The following ELMO1 variants were observed in gnomAD, a reference collection of about 807,000 sequenced individuals.
ELMO1 encodes engulfment and cell motility protein 1.
ELMO1 carries 26 observed loss-of-function variants against 98.9 expected under a neutral mutation model. That is an observed-to-expected ratio of 0.26 (90% CI 0.19 to 0.36). The LOEUF is 0.36. ELMO1 is among the 10% of genes least tolerant of loss of function. The pLI, the probability that ELMO1 is intolerant of heterozygous loss-of-function variation, is 1.00. For missense variants in ELMO1, 627 were observed against 935.2 expected (o/e 0.67, Z 4.30); for synonymous variants, 346 against 346.0 (o/e 1.00, Z 0.00).
chr7:37,051,367 G>T (rs1003087204), intron 15 of ELMO1, among the ~76,000 whole-genome samples: 2 of 152,138 alleles, frequency 1.3e-5, no homozygotes, highest in African/African-American at 4.8e-5. Context: ...TCCTAATTTG[G>T]ATAATTTTTG....
chr7:37,326,781 T>C (rs533163113), intron 2 of ELMO1, among the ~76,000 whole-genome samples: 14 of 152,270 alleles, frequency 9.2e-5, no homozygotes, highest in South Asian at 2.1e-4. Context: ...GTTGAATGTA[T>C]TAACGGGTTA....
intron 15 of ELMO1, among the ~76,000 whole-genome samples, chr7:37,091,158 A>G (rs1471532541): frequency 6.6e-6 from 1 of 152,080 alleles, no homozygotes; most frequent in Non-Finnish European, 1.5e-5. Context: ...CCCAGGCTGG[A>G]GTACAATGGG....
chr7:37,159,315 G>A (rs968767196), intron 13 of ELMO1, among the ~76,000 whole-genome samples: 2 of 151,286 alleles, frequency 1.3e-5, no homozygotes. Context: ...AAAAGAATAG[G>A]CTTATGGCTC....
intron 1 of ELMO1, among the ~76,000 whole-genome samples, chr7:37,386,440 C>T (rs1019629905): frequency 6.6e-6 from 1 of 151,952 alleles, no homozygotes; most frequent in African/African-American, 2.4e-5. Context: ...ACTCACTGCC[C>T]TTGTACAGAG....
intron 6 of ELMO1, among the ~76,000 whole-genome samples, chr7:37,256,812 A>G (rs1336440361): frequency 7.2e-6 from 1 of 139,702 alleles, no homozygotes; most frequent in Non-Finnish European, 1.5e-5. Flanking sequence ...AAGGAGAGGA[A>G]GGGGACAGAA....
Position 36,852,931 on chromosome 7 carries a change from T to C in ELMO1, c.*2620A>G, listed in dbSNP as rs1208073194. ...TTCAAATTAAGTAATCAGTTTTATT[T>C]TGAGTAATATGAATAGCAGAATGCA... On this transcript the variant is annotated 3_prime_UTR_variant, in exon 22 of 22. Transcript: ENST00000310758. 6.6e-6 allele frequency among the ~76,000 whole-genome samples: 1 copy of C among 152,178 alleles called. No homozygotes were observed. The highest frequency in any genetic ancestry group is 2.4e-5 in the African/African-American group (1 of 41,450).
chr7:37,343,476 C>T (rs1010667318), intron 1 of ELMO1, among the ~76,000 whole-genome samples: 6 of 148,076 alleles, frequency 4.1e-5, no homozygotes, highest in African/African-American at 1.5e-4. Context: ...TCTTCCCAGG[C>T]TAGCCCATTT....
At chr7:37,377,789 C>A (rs902975113) in intron 1 of ELMO1, among the ~76,000 whole-genome samples, 2 of 152,122 alleles carry the variant, frequency 1.3e-5, no homozygotes, top group African/African-American at 2.4e-5. Flanking sequence ...GAGAAGCCAG[C>A]GCCTTGGCAC....
At chr7:37,077,013 A>G (rs1797618753) in intron 15 of ELMO1, among the ~76,000 whole-genome samples, 1 of 152,210 alleles carries the variant, frequency 6.6e-6, no homozygotes, top group South Asian at 2.1e-4. Context: ...AAAGAATTTA[A>G]CTTTCTAACA....
chr7:36,953,050 C>A (rs550574489), intron 16 of ELMO1, among the ~76,000 whole-genome samples: 2 of 143,138 alleles, frequency 1.4e-5, no homozygotes, highest in East Asian at 4.1e-4. Context: ...CGGCTCAGGG[C>A]AAGCTCCCGG....
intron 8 of ELMO1, 143 bp downstream of exon 8, chr7:37,232,952 A>T (rs1794259697): frequency 1.3e-6 from 1 of 748,754 alleles, no homozygotes; most frequent in Non-Finnish European, 2.1e-6. Context: ...TGACCCCCAC[A>T]TACATAATAT....
At chr7:37,403,646 G>C (rs1004941668) in intron 1 of ELMO1, among the ~76,000 whole-genome samples, 2 of 152,114 alleles carry the variant, frequency 1.3e-5, no homozygotes, top group African/African-American at 4.8e-5. Context: ...CTGGCCTCAA[G>C]CAATCCTCAC....
chr7:36,883,359 C>A (rs1184215175), intron 18 of ELMO1, among the ~76,000 whole-genome samples: 1 of 152,146 alleles, frequency 6.6e-6, no homozygotes. Context: ...AAGTAGGGGG[C>A]AGTTCTTGAG....
chr7:37,188,445 C>T (rs1329972434), intron 13 of ELMO1, among the ~76,000 whole-genome samples: 2 of 33,786 alleles, frequency 5.9e-5, no homozygotes. Context: ...CACACACACA[C>T]ACACACGCAA....
At chr7:37,118,744 A>G (rs978797614) in intron 14 of ELMO1, among the ~76,000 whole-genome samples, 1 of 152,206 alleles carries the variant, frequency 6.6e-6, no homozygotes, top group African/African-American at 2.4e-5. Context: ...GATAACCAGA[A>G]AGCATGAAGC....
chr7:37,071,098 C>A (rs1182984830), intron 15 of ELMO1, among the ~76,000 whole-genome samples: 9 of 152,100 alleles, frequency 5.9e-5, no homozygotes, highest in Non-Finnish European at 1.0e-4. Flanking sequence ...TGATGGTATA[C>A]AATTACCAAA....
In ELMO1 at chr7:36,870,530, C is replaced by A; in HGVS notation, c.1823-55G>T. ...CTACACCATGTGAAAACTTTGATGT[C>A]AATAAAGAAACAGGACTAAGCACTG... On this transcript the variant is annotated intron_variant, in intron 19 of 21. Transcript: ENST00000310758. The surrounding 1 kb of genome is among the most constrained non-coding windows in gnomAD (Gnocchi z 4.4). 1 of 1,562,590 alleles carries A rather than the reference C, an allele frequency of 6.4e-7. No homozygotes were observed. The highest frequency in any genetic ancestry group is 1.1e-5 in the South Asian group (1 of 87,962).
At chr7:36,899,466 G>A (rs544599165) in intron 16 of ELMO1, among the ~76,000 whole-genome samples, 2 of 152,160 alleles carry the variant, frequency 1.3e-5, no homozygotes, top group East Asian at 1.9e-4. Context: ...GCAAAGGCAA[G>A]GAGGTAGGAA....
At chr7:36,935,450 AGGAGAGCAGC>A (rs1441079785) in intron 16 of ELMO1, among the ~76,000 whole-genome samples, 18 of 152,234 alleles carry the variant, frequency 1.2e-4, no homozygotes, top group African/African-American at 4.1e-4. Context: ...TGCAAAGTTG[AGGAGAGCAGC>A]TCTGTTTTTT....
Sources: gnomAD v4.1 joint callset for allele counts (sites outside exome capture counted in the v4.1 genomes callset) on GRCh38, gnomAD v4.1.1 for gene constraint, Gnocchi (gnomAD v3.1) non-coding constraint, MANE v1.5 for transcripts, NCBI Gene and HGNC (gene_info 2026-07-23, HGNC 2026-07-21) for gene names.